Variants in PCCA observed in about 807,000 individuals in gnomAD.
PCCA encodes the protein propionyl-CoA carboxylase alpha chain, mitochondrial.
In PCCA, 74 loss-of-function variants were observed where a neutral mutation model predicts 101.3. That is an observed-to-expected ratio of 0.73 (90% CI 0.61 to 0.89). The LOEUF (loss-of-function observed/expected upper bound fraction) is 0.89, where lower values mean the gene tolerates loss of function less well. Ranked by LOEUF, PCCA falls within the 40% of genes least tolerant of loss-of-function variation. The pLI is 0.00. For missense variants in PCCA, 891 were observed against 907.0 expected (o/e 0.98, Z 0.23); for synonymous variants, 294 against 313.6 (o/e 0.94, Z 0.66).
At chr13:100,250,707 A>T (rs1352761873) in intron 8 of PCCA, among the ~76,000 whole-genome samples, 1 of 152,110 alleles carries the variant, frequency 6.6e-6, no homozygotes, top group Non-Finnish European at 1.5e-5. Context: ...GACATTGTAA[A>T]TGTTACATTG....
chr13:100,489,517 TTTC>T (rs1260070118), intron 21 of PCCA, among the ~76,000 whole-genome samples: 1 of 152,242 alleles, frequency 6.6e-6, no homozygotes, highest in African/African-American at 2.4e-5. Context: ...ATTGACTAAT[TTTC>T]TTTTTACACT....
chr13:100,326,977 T>G (rs1418649915), intron 16 of PCCA, among the ~76,000 whole-genome samples: 1 of 152,216 alleles, frequency 6.6e-6, no homozygotes, highest in Non-Finnish European at 1.5e-5. Context: ...CCTCATGTTA[T>G]TCAGTCATCA....
intron 20 of PCCA, among the ~76,000 whole-genome samples, chr13:100,427,843 C>T (rs1224957226): frequency 1.3e-5 from 2 of 151,978 alleles, no homozygotes; most frequent in African/African-American, 4.8e-5. Flanking sequence ...GTAATGTGGC[C>T]CCTATGAAGA....
At chr13:100,436,666 C>T (rs2079961245) in intron 20 of PCCA, among the ~76,000 whole-genome samples, 1 of 152,200 alleles carries the variant, frequency 6.6e-6, no homozygotes, top group African/African-American at 2.4e-5. Flanking sequence ...GGTTATTAAC[C>T]TCTTTTAATT....
At chr13:100,425,774 A>C (rs367647771) in intron 20 of PCCA, 43 bp downstream of exon 20, 9 of 1,276,382 alleles carry the variant, frequency 7.1e-6, no homozygotes, top group African/African-American at 4.4e-5. Context: ...CCTCAAGTCC[A>C]GAATCCTTGT....
At chr13:100,458,874 G>A (rs7991395) in intron 21 of PCCA, among the ~76,000 whole-genome samples, 15,800 of 152,076 alleles carry the variant, frequency 0.1, 1,375 homozygotes, top group African/African-American at 0.24. Flanking sequence ...ATAGGATTCC[G>A]TGTTAGTTTC....
intron 4 of PCCA, among the ~76,000 whole-genome samples, chr13:100,112,701 G>A (rs897473459): frequency 2.7e-5 from 4 of 150,150 alleles, no homozygotes; most frequent in African/African-American, 7.4e-5. Context: ...CTCAGCCTCC[G>A]GAGTAGCTGG....
chr13:100,442,489 A>G (rs1394474637), intron 20 of PCCA, among the ~76,000 whole-genome samples: 1 of 152,214 alleles, frequency 6.6e-6, no homozygotes, highest in East Asian at 1.9e-4. Flanking sequence ...ATTTTACATA[A>G]TACAAAATTA....
chr13:100,527,465 T>C, intron 22 of PCCA: 1 of 583,574 alleles, frequency 1.7e-6, no homozygotes, highest in Non-Finnish European at 3.1e-6. Context: ...GATTTTTTTT[T>C]TTTCCAACGA....
chr13:100,364,669 TCA>T (rs2074987082), intron 18 of PCCA, among the ~76,000 whole-genome samples: 1 of 152,218 alleles, frequency 6.6e-6, no homozygotes, highest in Non-Finnish European at 1.5e-5. Flanking sequence ...CAAATAGATT[TCA>T]CAGTTTCGAC....
At chr13:100,178,899 A>C (rs2056496384) in intron 6 of PCCA, among the ~76,000 whole-genome samples, 1 of 151,742 alleles carries the variant, frequency 6.6e-6, no homozygotes, top group Non-Finnish European at 1.5e-5. Context: ...AACACTGTGA[A>C]ACCCCATCTC....
chr13:100,307,064 C>A, intron 14 of PCCA, 128 bp from the exon 15 acceptor site: 1 of 694,712 alleles, frequency 1.4e-6, no homozygotes, highest in South Asian at 1.7e-5. Flanking sequence ...TTCCTATTTT[C>A]CAGAAGTTGA....
intron 16 of PCCA, among the ~76,000 whole-genome samples, chr13:100,319,724 C>T (rs978565946): frequency 2.6e-5 from 4 of 152,060 alleles, no homozygotes; most frequent in Admixed American, 1.3e-4. Context: ...TACCATGCTG[C>T]TTTGGTTACT....
In PCCA at chr13:100,257,661, A is replaced by T. The variant is rs760244758; in HGVS notation, c.704A>T (p.Asp235Val). 6.2e-7 allele frequency: 1 copy of T among 1,612,904 alleles called. No homozygotes were observed. Among genetic ancestry groups the T allele is most frequent in the African/African-American group, 1.3e-5 (1 of 75,030 alleles). The change falls in exon 9 of 24, where the codon GAT becomes GTT. Residue 235 changes from aspartate to valine, a missense_variant. Coordinates refer to ENST00000376285, the MANE Select transcript of PCCA (RefSeq NM_000282.4). ...AAAGGCATGCGCATTGCTTGGGATG[A>T]TGAAGAGACCAGGTGAGAGGCTGTC... ...GGKGMRIAWD[D>V]EETRDGFRLS...
intron 21 of PCCA, among the ~76,000 whole-genome samples, chr13:100,455,953 G>A (rs1398892811): frequency 2.0e-5 from 3 of 152,160 alleles, no homozygotes; most frequent in African/African-American, 7.2e-5. Flanking sequence ...ACCCACCTCA[G>A]CCTCCCAAAG....
chr13:100,318,072 C>G (rs1468122511), intron 16 of PCCA, among the ~76,000 whole-genome samples: 2 of 152,162 alleles, frequency 1.3e-5, no homozygotes, highest in African/African-American at 4.8e-5. Context: ...TCCTCAGTCC[C>G]TTTTCCGTAT....
intron 19 of PCCA, among the ~76,000 whole-genome samples, chr13:100,373,573 T>G (rs1275088643): frequency 2.6e-5 from 4 of 152,046 alleles, no homozygotes; most frequent in Non-Finnish European, 5.9e-5. Flanking sequence ...GAAACTAGAT[T>G]GGTGGTTGCC....
chr13:100,105,657 CA>C (rs34277733), intron 2 of PCCA, among the ~76,000 whole-genome samples: 31,016 of 75,974 alleles, frequency 0.41, 3,813 homozygotes, highest in East Asian at 0.59. Context: ...CTGTCTCTAC[CA>C]AAAAAAAAAA....
intron 18 of PCCA, 64 bp from the exon 19 acceptor site, chr13:100,368,408 A>C: frequency 1.1e-6 from 1 of 920,664 alleles, no homozygotes; most frequent in East Asian, 2.6e-5. Context: ...ATCAAAGGGA[A>C]ATTAGTTTAT....
Sources: allele counts gnomAD v4.1 joint callset (sites outside exome capture counted in the v4.1 genomes callset), GRCh38; gene constraint gnomAD v4.1.1; transcripts MANE v1.5; gene names NCBI Gene and HGNC (gene_info 2026-07-23, HGNC 2026-07-21).